The following RRP1B variants were observed in gnomAD, a reference collection of about 807,000 sequenced individuals.
The protein encoded by RRP1B is ribosomal RNA processing protein 1 homolog B.
In RRP1B, 56 loss-of-function variants were observed where a neutral mutation model predicts 80.2. The observed-to-expected ratio is 0.70, with a 90% CI of 0.56 to 0.87. The LOEUF (loss-of-function observed/expected upper bound fraction) is 0.87, where lower values mean the gene tolerates loss of function less well. Ranked by LOEUF, RRP1B falls within the 40% of genes least tolerant of loss-of-function variation. The pLI is 0.00. For synonymous variants in RRP1B, 351 were observed against 357.6 expected (o/e 0.98, Z 0.21); for missense variants, 807 against 939.8 (o/e 0.86, Z 1.85).
chr21:43,662,837 A>G (rs1432832834), intron 1 of RRP1B, among the ~76,000 whole-genome samples: 1 of 152,256 alleles, frequency 6.6e-6, no homozygotes, highest in Non-Finnish European at 1.5e-5. Context: ...GGAATATAGC[A>G]GTGAACAAAA....
rs1488141222 is a variant in RRP1B at position 43,693,378 on chromosome 21, T to C, written c.2272T>C (p.Phe758Leu). The change falls in exon 16 of 16, where the codon TTC (phenylalanine) becomes CTC (leucine). Residue 758 changes from phenylalanine to leucine, a missense_variant. Phe to Leu is a conservative substitution (Grantham distance 22, BLOSUM62 0). Transcript: ENST00000340648. The surrounding 1 kb of genome is among the most constrained non-coding windows in gnomAD (Gnocchi z 4.1). ...GAGAAGGCCCAGGGCTATGGATTTC[T>C]TCTGAGGAGCAGCAGAGTCCCTTGT... ...PRRRPRAMDF[F>L] 1 of 1,570,854 alleles carries C rather than the reference T, an allele frequency of 6.4e-7. No homozygotes were observed. Among genetic ancestry groups the C allele is most frequent in the Non-Finnish European group, 8.6e-7 (1 of 1,159,700 alleles).
chr21:43,690,890 A>T (rs967482102), intron 14 of RRP1B, among the ~76,000 whole-genome samples: 1 of 152,210 alleles, frequency 6.6e-6, no homozygotes, highest in Non-Finnish European at 1.5e-5. Flanking sequence ...CTGTTGGGAT[A>T]TGCAGATAGC....
At position 43,659,619 on chromosome 21, in the gene RRP1B, C is replaced by T; in HGVS notation, c.-46C>T. ...CTGCTCCGCAGCGCTCGGCTGGCTG[C>T]AGCGGCACCGCGGGTTGCGCGGCCG... On this transcript the variant is annotated 5_prime_UTR_variant, in exon 1 of 16. Transcript: ENST00000340648. The surrounding 1 kb of genome is among the most constrained non-coding windows in gnomAD (Gnocchi z 4.2). The T allele has an allele frequency of 7.1e-7, 1 of 1,414,084 alleles. No homozygotes were observed. The highest frequency in any genetic ancestry group is 1.5e-5 in the South Asian group (1 of 66,012). The allele number at this position is 1,414,084 out of a possible 1,614,324, so 87.6% of individuals were successfully genotyped here. A position where few individuals can be genotyped will look rare whatever the true frequency, so the allele number is the denominator to read the frequency against.
At chr21:43,677,006 A>G (rs2083025549) in intron 8 of RRP1B, 92 bp downstream of exon 8, 1 of 1,273,810 alleles carries the variant, frequency 7.9e-7, no homozygotes, top group Non-Finnish European at 1.1e-6. Context: ...CATCTTACTG[A>G]ATGCAACCTA....
In RRP1B at chr21:43,683,918, G is replaced by T. The variant is rs539207062; in HGVS notation, c.891+545G>T. Among the ~76,000 whole-genome samples the T allele has an allele frequency of 2.9e-4, 41 of 142,958 alleles. 2 individuals are homozygous for T. The South Asian group carries it at 9.0e-3, about 31-fold the overall frequency. The allele number at this position is 142,958 out of a possible 152,430, so 93.8% of individuals were successfully genotyped here. A position where few individuals can be genotyped will look rare whatever the true frequency, so the allele number is the denominator to read the frequency against. ...CATTTGAACCCGGGAGGTGGAGGTT[G>T]CAGTGAACTGAGATCATGCCACTGC... On this transcript the variant is annotated intron_variant, in intron 9 of 15. Transcript: ENST00000340648.
chr21:43,678,872 A>G (rs937570739), intron 8 of RRP1B, among the ~76,000 whole-genome samples: 3 of 152,166 alleles, frequency 2.0e-5, no homozygotes, highest in Non-Finnish European at 4.4e-5. Context: ...TTCTAATGCT[A>G]TCTTCTACAA....
chr21:43,692,714 G>A (rs1400594406), intron 15 of RRP1B, among the ~76,000 whole-genome samples: 3 of 152,100 alleles, frequency 2.0e-5, no homozygotes, highest in Non-Finnish European at 1.5e-5. Context: ...CAGTATATAT[G>A]TGTGTGTGCG....
chr21:43,686,712 A>C (rs1174488342), intron 11 of RRP1B, 92 bp from the exon 12 acceptor site: 1 of 1,432,176 alleles, frequency 7.0e-7, no homozygotes, highest in Non-Finnish European at 9.6e-7. Flanking sequence ...GATGATGATG[A>C]GGCAGAAATT....
chr21:43,678,667 G>A (rs1431731548), intron 8 of RRP1B, among the ~76,000 whole-genome samples: 2 of 152,038 alleles, frequency 1.3e-5, no homozygotes, highest in African/African-American at 4.8e-5. Flanking sequence ...TGTAGATTCT[G>A]GATATTAGTC....
intron 1 of RRP1B, among the ~76,000 whole-genome samples, chr21:43,666,561 T>C (rs115632588): frequency 0.032 from 4,869 of 152,120 alleles, 278 homozygotes; most frequent in African/African-American, 0.11. Flanking sequence ...TATTAAAAAC[T>C]ACAAAACTTA....
intron 15 of RRP1B, among the ~76,000 whole-genome samples, chr21:43,692,924 G>A (rs976986383): frequency 2.0e-5 from 3 of 152,220 alleles, no homozygotes; most frequent in East Asian, 3.9e-4. Context: ...CACCCTTCCA[G>A]GAGCCACCCT....
Position 43,659,733 on chromosome 21 carries a change from C to T in RRP1B, c.69C>T (p.Ile23=), listed in dbSNP as rs368987434. The T allele has an allele frequency of 4.6e-6, 7 of 1,533,852 alleles. No individual in the cohort carries two copies. In the African/African-American group the frequency reaches 8.4e-5, roughly 19 times the overall value. ...GGCTGGCGTCCAGCGAGAAGGGCAT[C>T]CGGGACCGAGCGGTGAAGAAGCTGC... The part of the protein sequence containing the change: ...AQRLASSEKG[I]RDRAVKKLRQ... Residue 23 remains isoleucine, a synonymous_variant, in exon 1 of 16, where the codon ATC becomes ATT. Transcript: ENST00000340648. This position sits in a 1 kb window ranked among gnomAD's most constrained non-coding sequence, Gnocchi z 4.2.
chr21:43,672,188 G>C, intron 2 of RRP1B, 120 bp from the exon 3 acceptor site: 2 of 764,880 alleles, frequency 2.6e-6, no homozygotes, highest in Non-Finnish European at 4.6e-6. Flanking sequence ...CTTAGTGGAA[G>C]TGACAAGAGG....
chr21:43,660,905 T>G (rs1005545836), intron 1 of RRP1B, among the ~76,000 whole-genome samples: 8 of 152,212 alleles, frequency 5.3e-5, no homozygotes, highest in Admixed American at 6.5e-5. Context: ...ATACTTTCTA[T>G]AAACTCTTGA....
chr21:43,687,769 C>A lies in RRP1B; in HGVS notation c.1395C>A (p.Ala465=). The A allele has an allele frequency of 6.2e-7, 1 of 1,613,286 alleles. No individual in the cohort carries two copies. Among genetic ancestry groups the A allele is most frequent in the Non-Finnish European group, 8.5e-7 (1 of 1,180,014 alleles). ...AGAGTGGCTCCGAGCATCCTCCAGCCGTCCCCATGCACAATAAAAGGAAAC... is the reference window on the plus strand; with the variant it reads ...AGAGTGGCTCCGAGCATCCTCCAGCAGTCCCCATGCACAATAAAAGGAAAC... ...GEESGSEHPP[A]VPMHNKRKRP... is the part of the protein sequence containing the mutation. Residue 465 remains alanine, a synonymous_variant, in exon 13 of 16, where the codon GCC becomes GCA. Transcript: ENST00000340648.
chr21:43,675,102 G>C lies in RRP1B; in HGVS notation c.488G>C (p.Gly163Ala), dbSNP rs773480632. The change falls in exon 6 of 16, where the codon GGA becomes GCA. Residue 163 changes from glycine to alanine, a missense_variant. Transcript: ENST00000340648. Reference sequence around the variant, plus strand: ...TGTCCTGAGAGTCAGTCTCCTAATGGAGTGAGATTCCACTTCATTGATATT... The same window carrying C: ...TGTCCTGAGAGTCAGTCTCCTAATGCAGTGAGATTCCACTTCATTGATATT... ...VLCPESQSPN[G>A]VRFHFIDIYL... 1.2e-5 allele frequency: 19 copies of C among 1,613,112 alleles called. No homozygotes were observed. In the African/African-American group the frequency reaches 2.5e-4, roughly 22 times the overall value.
At position 43,659,727 on chromosome 21, in the gene RRP1B, G is replaced by A. The variant is rs748621824; in HGVS notation, c.63G>A (p.Lys21=). Residue 21 remains lysine (K), a synonymous_variant, in exon 1 of 16, where the codon AAG becomes AAA. Transcript: ENST00000340648. The surrounding 1 kb of genome is among the most constrained non-coding windows in gnomAD (Gnocchi z 4.2). ...CCCAGCGGCTGGCGTCCAGCGAGAA[G>A]GGCATCCGGGACCGAGCGGTGAAGA... The part of the protein sequence containing the change: ...QFAQRLASSE[K]GIRDRAVKKL... The A allele has an allele frequency of 2.6e-6, 4 of 1,533,396 alleles. No homozygotes were observed. The African/African-American group carries it at 4.2e-5, about 16-fold the overall frequency. The allele number at this position is 1,533,396 out of a possible 1,614,324, so 95.0% of individuals were successfully genotyped here.
chr21:43,676,006 A>T (rs1238521348), intron 6 of RRP1B, among the ~76,000 whole-genome samples: 1 of 151,900 alleles, frequency 6.6e-6, no homozygotes, highest in Non-Finnish European at 1.5e-5. Context: ...CGTGTTGTAT[A>T]TGTTGGGCAT....
intron 7 of RRP1B, 143 bp downstream of exon 7, chr21:43,676,479 A>G (rs1209874692): frequency 2.8e-6 from 2 of 719,336 alleles, no homozygotes; most frequent in Admixed American, 5.3e-5. Context: ...AGCTTTGAGC[A>G]GTGATTTGGC....
Sources: allele counts gnomAD v4.1 joint callset (sites outside exome capture counted in the v4.1 genomes callset), GRCh38; gene constraint gnomAD v4.1.1; non-coding constraint Gnocchi (gnomAD v3.1); transcripts MANE v1.5; gene names NCBI Gene and HGNC (gene_info 2026-07-23, HGNC 2026-07-21).